Variants in MTMR6 observed in about 807,000 individuals in gnomAD.
The protein encoded by MTMR6 is myotubularin related protein 6.
A neutral mutation model predicts 80.1 loss-of-function variants in MTMR6; 47 were observed. The ratio of observed to expected loss-of-function variants is 0.59; its 90% CI spans 0.46 to 0.75. The LOEUF (loss-of-function observed/expected upper bound fraction) is 0.75, where lower values mean the gene tolerates loss of function less well. Ranked by LOEUF, MTMR6 falls within the 30% of genes least tolerant of loss-of-function variation. The pLI is 0.00. For synonymous variants in MTMR6, 254 were observed against 253.0 expected (o/e 1.00, Z -0.04); for missense variants, 629 against 730.9 (o/e 0.86, Z 1.61).
At position 25,257,801 on chromosome 13, in the gene MTMR6, A is replaced by C; in HGVS notation, c.904T>G (p.Leu302Val). ...GLSVNDFYSGLESSGWLRHIK... is the reference protein window; with the variant it reads ...GLSVNDFYSGVESSGWLRHIK... The stretch of plus-strand genomic sequence containing the variant: ...TGGCGAAGCCATCCCGAGCTCTCCA[A>C]ACCGGAGTAGAAATCATTGACAGAA... The change falls in exon 8 of 14, where the codon TTG (leucine) becomes GTG (valine). Residue 302 changes from leucine to valine, a missense_variant. Coordinates refer to ENST00000381801, the MANE Select transcript of MTMR6 (RefSeq NM_004685.5). 1 of 1,613,942 alleles carries C rather than the reference A, an allele frequency of 6.2e-7. No individual in the cohort carries two copies. The highest frequency in any genetic ancestry group is 8.5e-7 in the Non-Finnish European group (1 of 1,179,862).
chr13:25,265,769 C>T, intron 5 of MTMR6, 50 bp downstream of exon 5: 1 of 1,550,824 alleles, frequency 6.4e-7, no homozygotes, highest in Non-Finnish European at 8.8e-7. Flanking sequence ...ATACTTAAAC[C>T]TGAAGATGAG....
chr13:25,279,108 G>A (rs1466766122), intron 1 of MTMR6, among the ~76,000 whole-genome samples: 1 of 152,124 alleles, frequency 6.6e-6, no homozygotes, highest in Non-Finnish European at 1.5e-5. Context: ...GCTACTGAAA[G>A]GTTGGATAAT....
At chr13:25,261,247 G>T (rs1957330233) in intron 6 of MTMR6, among the ~76,000 whole-genome samples, 2 of 128,362 alleles carry the variant, frequency 1.6e-5, no homozygotes, top group Admixed American at 9.7e-5. Flanking sequence ...GGCAGAGGTT[G>T]CAGTGAGCCG....
At position 25,251,895 on chromosome 13, in the gene MTMR6, CTG is replaced by C; in HGVS notation, c.1434_1435del (p.His478GlnfsTer15). 6.2e-7 allele frequency: 1 copy of C among 1,607,516 alleles called. No individual in the cohort carries two copies. Among genetic ancestry groups the C allele is most frequent in the African/African-American group, 1.3e-5 (1 of 74,486 alleles). On this transcript the variant is annotated frameshift_variant, in exon 12 of 14. Transcript: ENST00000381801. LOFTEE classifies it high-confidence loss of function. This position sits in a 1 kb window ranked among gnomAD's most constrained non-coding sequence, Gnocchi z 4.1. ...TGTATTTGGCTCCAAAACTGTAAATCTGTGAGATTCGGAACTGTAGAGAGGAT... is the reference window on the plus strand; with the variant it reads ...TGTATTTGGCTCCAAAACTGTAAATCTGAGATTCGGAACTGTAGAGAGGAT...
intron 1 of MTMR6, among the ~76,000 whole-genome samples, chr13:25,283,203 G>A (rs748498688): frequency 1.3e-5 from 2 of 152,162 alleles, no homozygotes; most frequent in South Asian, 2.1e-4. Context: ...TGAGGCAAGA[G>A]AGTGTGGTTA....
intron 2 of MTMR6, among the ~76,000 whole-genome samples, chr13:25,273,654 T>C (rs1311497711): frequency 6.6e-6 from 1 of 151,820 alleles, no homozygotes; most frequent in Non-Finnish European, 1.5e-5. Context: ...CCCTCCCAAG[T>C]AGCTGGGATT....
At chr13:25,270,624 A>C (rs1271795955) in intron 2 of MTMR6, among the ~76,000 whole-genome samples, 1 of 152,212 alleles carries the variant, frequency 6.6e-6, no homozygotes, top group African/African-American at 2.4e-5. Flanking sequence ...AGGTACTGCT[A>C]GGTAAAATTC....
chr13:25,249,952 A>G (rs974918995), intron 13 of MTMR6, among the ~76,000 whole-genome samples: 1 of 152,166 alleles, frequency 6.6e-6, no homozygotes, highest in Non-Finnish European at 1.5e-5. Context: ...GACTTTAAAC[A>G]CAACAGAACT....
At chr13:25,249,981 A>G (rs1322015744) in intron 13 of MTMR6, among the ~76,000 whole-genome samples, 1 of 152,148 alleles carries the variant, frequency 6.6e-6, no homozygotes, top group Non-Finnish European at 1.5e-5. Flanking sequence ...TTAACAGAAG[A>G]TTTTTAAAGT....
rs1017259035 is a variant in MTMR6 at position 25,261,657 on chromosome 13, A to C, written c.726+11T>G. 6.2e-7 allele frequency: 1 copy of C among 1,603,312 alleles called. No homozygotes were observed. The highest frequency in any genetic ancestry group is 8.5e-7 in the Non-Finnish European group (1 of 1,173,916). ...TAAACTAGCAGACTGTACTGTATTT[A>C]AAATACATACTTTTGGCCTGGTATC... On this transcript the variant is annotated intron_variant, in intron 6 of 13. Transcript: ENST00000381801.
At chr13:25,277,548 T>C (rs1002913972) in intron 1 of MTMR6, among the ~76,000 whole-genome samples, 7 of 152,228 alleles carry the variant, frequency 4.6e-5, no homozygotes, top group South Asian at 2.1e-4. Context: ...AATCATTTGA[T>C]TTATTAAATA....
chr13:25,258,690 C>G lies in MTMR6; in HGVS notation c.729G>C (p.Leu243=), dbSNP rs545089333. ...CAGCTGCTCTGTTGGCCATTGCATT[C>G]AGCTAAAATTAAAAGTTTTAGAAAT... ...YMYVMDTRPK[L]NAMANRAAGK... is the part of the protein sequence containing the mutation. The change falls in exon 7 of 14, where the codon CTG becomes CTC. Residue 243 remains leucine (L), a splice_region_variant and synonymous_variant. Coordinates refer to ENST00000381801, the MANE Select transcript of MTMR6 (RefSeq NM_004685.5). 6.5e-7 allele frequency: 1 copy of G among 1,540,786 alleles called. No individual in the cohort carries two copies. Among genetic ancestry groups the G allele is most frequent in the Admixed American group, 2.4e-5 (1 of 41,010 alleles).
rs773005544 is a variant in MTMR6, at chr13:25,253,932, A to C, written c.1178T>G (p.Val393Gly). The change falls in exon 11 of 14, where the codon GTC becomes GGC. Residue 393 changes from valine (V) to glycine (G), a missense_variant. Coordinates refer to ENST00000381801, the MANE Select transcript of MTMR6 (RefSeq NM_004685.5). ...CGQLDGDPKE[V>G]SPVFTQFLEC... The stretch of plus-strand genomic sequence containing the variant: ...CAAGAACTGAGTAAACACTGGTGAG[A>C]CTTCCTTTGGGTCACCATCCAACTG... 6.2e-7 allele frequency: 1 copy of C among 1,614,158 alleles called. No homozygotes were observed. The highest frequency in any genetic ancestry group is 8.5e-7 in the Non-Finnish European group (1 of 1,180,022).
intron 1 of MTMR6, among the ~76,000 whole-genome samples, chr13:25,274,965 C>CACACACAT (rs1957682996): frequency 5.2e-5 from 6 of 114,312 alleles, no homozygotes; most frequent in Admixed American, 1.1e-4. Context: ...CACACATACA[C>CACACACAT]ACACACACAC....
At position 25,262,339 on chromosome 13, in the gene MTMR6, T is replaced by C. The variant is rs562181268; in HGVS notation, c.592-537A>G. Among the ~76,000 whole-genome samples, 61 of 152,114 alleles carry C rather than the reference T, an allele frequency of 4.0e-4. No homozygotes were observed. The South Asian group carries it at 0.012, about 31-fold the overall frequency. ...GCAAGAATTATCTATAAGTAGTGAG[T>C]GGTTGGATTCATTATTTACTGTTTT... On this transcript the variant is annotated intron_variant, in intron 5 of 13. Coordinates refer to ENST00000381801, the MANE Select transcript of MTMR6 (RefSeq NM_004685.5).
chr13:25,287,456 G>T lies in MTMR6; in HGVS notation c.-209C>A, dbSNP rs1041031903. The T allele has an allele frequency of 7.5e-5, 46 of 614,918 alleles. No individual in the cohort carries two copies. The highest frequency in any genetic ancestry group is 1.3e-4 in the Non-Finnish European group (46 of 345,390). 38.1% of individuals were successfully genotyped at this position (614,918 alleles called of 1,614,324 possible). The stretch of plus-strand genomic sequence containing the variant: ...ACTTCCCCAAACCCCGCGGCCTCCC[G>T]GGGGACTCGGGGCAGGCAGACAGAG... On this transcript the variant is annotated 5_prime_UTR_variant, in exon 1 of 14. Transcript: ENST00000381801.
chr13:25,272,571 T>A (rs915222684), intron 2 of MTMR6, among the ~76,000 whole-genome samples: 1 of 152,134 alleles, frequency 6.6e-6, no homozygotes, highest in Non-Finnish European at 1.5e-5. Context: ...AAGAGGTAGT[T>A]TTTCAACCCT....
In MTMR6 at chr13:25,246,256, A is replaced by G. The variant is rs902778777; in HGVS notation, c.*2976T>C. ...ACAAATACTGTTTATTAAAATGTCA[A>G]GGTTTCATGTTTACATTTTCTTATA... On this transcript the variant is annotated 3_prime_UTR_variant, in exon 14 of 14. Transcript: ENST00000381801. 1 of 152,658 alleles carries G rather than the reference A, an allele frequency of 6.6e-6. No homozygotes were observed. Among genetic ancestry groups the G allele is most frequent in the African/African-American group, 2.4e-5 (1 of 41,460 alleles). 9.5% of individuals were successfully genotyped at this position (152,658 alleles called of 1,614,324 possible).
At chr13:25,275,886 GGGAGGGGAGA>G (rs1323438256) in intron 1 of MTMR6, among the ~76,000 whole-genome samples, 1 of 126,852 alleles carries the variant, frequency 7.9e-6, no homozygotes, top group African/African-American at 2.8e-5. Flanking sequence ...GGGAGGGGAG[GGGAGGGGAGA>G]GGAGGGGAGG....
Sources: gnomAD v4.1 joint callset for allele counts (sites outside exome capture counted in the v4.1 genomes callset) on GRCh38, gnomAD v4.1.1 for gene constraint, Gnocchi (gnomAD v3.1) non-coding constraint, MANE v1.5 for transcripts, NCBI Gene and HGNC (gene_info 2026-07-23, HGNC 2026-07-21) for gene names.